ALG9: variants seen among roughly 807,000 people sequenced by gnomAD.
ALG9 encodes alpha-1,2-mannosyltransferase ALG9.
Under a neutral mutation model 81.8 loss-of-function variants are expected in ALG9, and 55 were observed. The observed-to-expected ratio is 0.67, with a 90% CI of 0.54 to 0.84. ALG9 has a LOEUF of 0.84. Ranked by LOEUF, ALG9 falls within the 40% of genes least tolerant of loss-of-function variation. The probability of loss-of-function intolerance (pLI) is 0.00; values close to 1 mark genes in which losing one functional copy is unlikely to be tolerated. For synonymous variants in ALG9, 278 were observed against 274.3 expected (o/e 1.01, Z -0.13); for missense variants, 629 against 745.0 (o/e 0.84, Z 1.81).
At chr11:111,806,738 C>CTA (rs1555085657) in intron 14 of ALG9, among the ~76,000 whole-genome samples, 8 of 152,200 alleles carry the variant, frequency 5.3e-5, no homozygotes, top group Admixed American at 2.6e-4. Flanking sequence ...CCCTTGAACT[C>CTA]TAGACTGTAT....
chr11:111,867,275 G>T (rs1303195722), intron 3 of ALG9, among the ~76,000 whole-genome samples: 1 of 152,138 alleles, frequency 6.6e-6, no homozygotes, highest in East Asian at 1.9e-4. Flanking sequence ...AACAGACTTG[G>T]GGGGAAAAGA....
In ALG9 at chr11:111,871,449, C is replaced by T. The variant is rs1555159036; in HGVS notation, c.34G>A (p.Gly12Ser). The T allele has an allele frequency of 6.5e-7, 1 of 1,536,660 alleles. No individual in the cohort carries two copies. Among genetic ancestry groups the T allele is most frequent in the Admixed American group, 2.0e-5 (1 of 50,996 alleles). ...ASRGARQRLK[G>S]SGASSGDTAP... ...GTATCCCCACTGCTGGCCCCGCTGC[C>T]CTTCAGGCGCTGCCGAGCCCCTCGA... The change falls in exon 1 of 15, where the codon GGC becomes AGC. Residue 12 changes from glycine to serine, a missense_variant. Gly to Ser is a moderately conservative substitution (Grantham distance 56). Transcript: ENST00000616540.
intron 4 of ALG9, 50 bp from the exon 5 acceptor site, chr11:111,860,685 T>C: frequency 7.0e-7 from 1 of 1,428,852 alleles, no homozygotes. Context: ...GGAATAGACA[T>C]TTCAAATCAA....
At chr11:111,807,541 C>T (rs781970576) in intron 14 of ALG9, among the ~76,000 whole-genome samples, 1 of 152,330 alleles carries the variant, frequency 6.6e-6, no homozygotes, top group South Asian at 2.1e-4. Context: ...CATTTATCAT[C>T]CTCTAATATA....
Position 111,784,313 on chromosome 11 carries a change from A to G in ALG9, c.*2084T>C, listed in dbSNP as rs1383605003. 1.3e-5 allele frequency: 2 copies of G among 152,254 alleles called. No homozygotes were observed. The highest frequency in any genetic ancestry group is 2.9e-5 in the Non-Finnish European group (2 of 68,062). 9.4% of individuals were successfully genotyped at this position (152,254 alleles called of 1,614,324 possible). A position where few individuals can be genotyped will look rare whatever the true frequency, so the allele number is the denominator to read the frequency against. On this transcript the variant is annotated 3_prime_UTR_variant, in exon 15 of 15. Transcript: ENST00000616540. The stretch of plus-strand genomic sequence containing the variant: ...AACTCCGTCTCTGATATTCCTGCAG[A>G]GGAGATCTCAAAGAGGAGCTTTTTA...
At position 111,786,125 on chromosome 11, in the gene ALG9, T is replaced by C; in HGVS notation, c.*272A>G. On this transcript the variant is annotated 3_prime_UTR_variant, in exon 15 of 15. Transcript: ENST00000616540. The stretch of plus-strand genomic sequence containing the variant: ...AAATAATTGAACAGAGGAAAAACAA[T>C]GAGATGTGGAGCAATATATCTATCT... 1 of 515,252 alleles carries C rather than the reference T, an allele frequency of 1.9e-6. No homozygotes were observed. The highest frequency in any genetic ancestry group is 3.8e-6 in the Non-Finnish European group (1 of 266,038). The allele number at this position is 515,252 out of a possible 1,614,324, so 31.9% of individuals were successfully genotyped here. A position where few individuals can be genotyped will look rare whatever the true frequency, so the allele number is the denominator to read the frequency against.
chr11:111,810,749 C>A (rs1178477793), intron 13 of ALG9, among the ~76,000 whole-genome samples: 1 of 152,098 alleles, frequency 6.6e-6, no homozygotes, highest in Non-Finnish European at 1.5e-5. Flanking sequence ...GAGAGACCTG[C>A]TTCAAAAAAA....
chr11:111,808,340 C>A (rs1452134501), intron 14 of ALG9, among the ~76,000 whole-genome samples: 2 of 152,150 alleles, frequency 1.3e-5, no homozygotes, highest in African/African-American at 4.8e-5. Flanking sequence ...AGCACAATGA[C>A]CTGCCTGGGC....
intron 12 of ALG9, chr11:111,836,663 T>C (rs10502149): frequency 0.33 from 105,206 of 320,612 alleles, 18,707 homozygotes; most frequent in East Asian, 0.59. Context: ...ATGTAATATA[T>C]GGCACTGAGA....
At chr11:111,812,697 G>T (rs868955347) in intron 13 of ALG9, among the ~76,000 whole-genome samples, 3 of 151,792 alleles carry the variant, frequency 2.0e-5, no homozygotes, top group African/African-American at 7.3e-5. Context: ...CAGGTGGATC[G>T]CCTGAGGTCA....
At chr11:111,844,552 T>C (rs782089678) in intron 9 of ALG9, 49 bp downstream of exon 9, 21 of 1,612,300 alleles carry the variant, frequency 1.3e-5, no homozygotes, top group Admixed American at 3.3e-5. Flanking sequence ...GTATACACCA[T>C]TACTTGCTCT....
At chr11:111,798,104 G>C (rs1294318593) in intron 14 of ALG9, 1 of 178,360 alleles carries the variant, frequency 5.6e-6, no homozygotes, top group African/African-American at 2.4e-5. Context: ...TTGGGAGACT[G>C]AGATGGGAGG....
chr11:111,838,244 T>C lies in ALG9; in HGVS notation c.1324+5A>G. On this transcript the variant is annotated splice_donor_5th_base_variant and intron_variant, in intron 11 of 14. Coordinates refer to ENST00000616540, the MANE Select transcript of ALG9 (RefSeq NM_024740.2). The stretch of plus-strand genomic sequence containing the variant: ...TGTAGGTTAAGATATTCTTAGAAGA[T>C]CTACCTCTGAACAGTGCCACAGAGC... 2 of 1,614,042 alleles carry C rather than the reference T, an allele frequency of 1.2e-6. No homozygotes were observed. The highest frequency in any genetic ancestry group is 1.1e-5 in the South Asian group (1 of 91,078).
At chr11:111,828,180 C>T (rs954100094) in intron 13 of ALG9, among the ~76,000 whole-genome samples, 1 of 151,920 alleles carries the variant, frequency 6.6e-6, no homozygotes, top group East Asian at 1.9e-4. Flanking sequence ...GGTGACAGAG[C>T]AAGACTCCAT....
Position 111,857,591 on chromosome 11 carries a change from T to TA in ALG9, c.701+10dup, listed in dbSNP as rs1279884881. 2.5e-6 allele frequency: 4 copies of TA among 1,613,984 alleles called. No homozygotes were observed. The highest frequency in any genetic ancestry group is 3.4e-6 in the Non-Finnish European group (4 of 1,179,994). ...CAGCGATATATGGGAGGAGAACTGT[T>TA]AGTTTCTTACCCAAGAGCTGCACTG... On this transcript the variant is annotated intron_variant, in intron 6 of 14. Coordinates refer to ENST00000616540, the MANE Select transcript of ALG9 (RefSeq NM_024740.2).
At chr11:111,812,216 C>T (rs7948321) in intron 13 of ALG9, among the ~76,000 whole-genome samples, 14 of 152,068 alleles carry the variant, frequency 9.2e-5, no homozygotes, top group African/African-American at 1.9e-4. Flanking sequence ...ACTCAACAAG[C>T]GGATTCTAAA....
chr11:111,799,742 C>T lies in ALG9; in HGVS notation c.1733+9901G>A, dbSNP rs1948831990. 2.6e-5 allele frequency among the ~76,000 whole-genome samples: 4 copies of T among 152,200 alleles called. No homozygotes were observed. The South Asian group carries it at 8.3e-4, about 32-fold the overall frequency. On this transcript the variant is annotated intron_variant, in intron 14 of 14. Transcript: ENST00000616540. ...TATTTCAATTTATCCAGGACAGGACCCCTTTTACTTTCAAAAGACTTCTGA... is the reference window on the plus strand; with the variant it reads ...TATTTCAATTTATCCAGGACAGGACTCCTTTTACTTTCAAAAGACTTCTGA...
rs12575909 is a variant in ALG9 at position 111,809,772 on chromosome 11, A to G, written c.1604T>C (p.Ile535Thr). The part of the protein sequence containing the change: ...DQNLEEPSRY[I>T]DISKCHYLVD... The stretch of plus-strand genomic sequence containing the variant: ...TAAATAATGGCATTTACTGATATCA[A>G]TCTGAAATGGAGAAAGGCCAACTCT... Residue 535 changes from isoleucine (I) to threonine (T), a missense_variant and splice_region_variant, in exon 14 of 15, where the codon ATT (isoleucine) becomes ACT (threonine). Physicochemically the swap from Ile to Thr is moderately conservative, Grantham distance 89. Coordinates refer to ENST00000616540, the MANE Select transcript of ALG9 (RefSeq NM_024740.2). The G allele has an allele frequency of 1.9e-5, 31 of 1,613,928 alleles. No individual in the cohort carries two copies. The Admixed American group carries it at 4.7e-4, about 24-fold the overall frequency.
chr11:111,871,033 GAACAGCCGTAAA>G (rs1484744363), intron 1 of ALG9: 1 of 1,083,402 alleles, frequency 9.2e-7, no homozygotes, highest in African/African-American at 1.7e-5. Flanking sequence ...GAGCTGTGAG[GAACAGCCGTAAA>G]AGGTATACTC....
Sources: allele counts gnomAD v4.1 joint callset (sites outside exome capture counted in the v4.1 genomes callset), GRCh38; gene constraint gnomAD v4.1.1; transcripts MANE v1.5; gene names NCBI Gene and HGNC (gene_info 2026-07-23, HGNC 2026-07-21).